Variants in ABHD12 observed in about 807,000 individuals in gnomAD.
ABHD12 encodes abhydrolase domain containing 12, lysophospholipase, also known as lysophosphatidylserine lipase ABHD12.
A neutral mutation model predicts 58.3 loss-of-function variants in ABHD12; 43 were observed. The observed-to-expected ratio is 0.74, with a 90% CI of 0.58 to 0.95. The LOEUF (loss-of-function observed/expected upper bound fraction) is 0.95. ABHD12 is among the 40% of genes least tolerant of loss of function. The pLI is 0.00. For missense variants in ABHD12, 539 were observed against 537.2 expected, an observed-to-expected ratio of 1.00 and a Z score of -0.03; for synonymous variants, 219 against 211.2, an observed-to-expected ratio of 1.04 and a Z score of -0.32.
intron 1 of ABHD12, among the ~76,000 whole-genome samples, chr20:25,355,835 G>C (rs1168115663): frequency 6.6e-6 from 1 of 151,502 alleles, no homozygotes; most frequent in Admixed American, 6.6e-5. Context: ...GGGATTACAG[G>C]CGTGAGCCAC....
rs79335706 is a variant in ABHD12, at chr20:25,319,692, G to A, written c.542+507C>T. Among the ~76,000 whole-genome samples the A allele has an allele frequency of 2.0e-5, 3 of 152,338 alleles. No homozygotes were observed. In the East Asian group the frequency reaches 5.8e-4, roughly 29 times the overall value. The stretch of plus-strand genomic sequence containing the variant: ...TTCCCAAGAGCGCGAGGCACCCACA[G>A]CCAAGTGCCACTATGACCCCTCCTC... On this transcript the variant is annotated intron_variant, in intron 4 of 12. Transcript: ENST00000339157.
chr20:25,296,311 GT>G (rs2088543252), downstream of ABHD12: 1 of 1,596,924 alleles, frequency 6.3e-7, no homozygotes, highest in Non-Finnish European at 8.6e-7. Flanking sequence ...GGAATCCCAT[GT>G]TTTTAGCAGC....
intron 1 of ABHD12, 32 bp downstream of exon 1, chr20:25,390,481 C>CCCCCCCCCCCCCCCCCCCCCCCCCA: frequency 1.8e-5 from 1 of 54,864 alleles, no homozygotes; most frequent in Non-Finnish European, 2.7e-5. Flanking sequence ...GGACCGGCCC[C>CCCCCCCCCCCCCCCCCCCCCCCCCA]CCCCCCCCCC....
intron 1 of ABHD12, among the ~76,000 whole-genome samples, chr20:25,369,564 C>A (rs2089871162): frequency 6.6e-6 from 1 of 152,160 alleles, no homozygotes; most frequent in Admixed American, 6.5e-5. Flanking sequence ...CACGTACCTG[C>A]TCTTAACCAC....
chr20:25,387,896 C>T (rs2090114416), intron 1 of ABHD12, among the ~76,000 whole-genome samples: 1 of 151,934 alleles, frequency 6.6e-6, no homozygotes, highest in Non-Finnish European at 1.5e-5. Context: ...CAAAAGTTAG[C>T]CAGGCACGGT....
intron 12 of ABHD12, 151 bp from the exon 13 acceptor site, chr20:25,301,035 A>C: frequency 2.5e-6 from 2 of 813,722 alleles, no homozygotes; most frequent in Non-Finnish European, 4.1e-6. Context: ...CCAGAGCAGC[A>C]CTCAGTGAGT....
intron 1 of ABHD12, among the ~76,000 whole-genome samples, chr20:25,367,808 G>A (rs1453692715): frequency 6.6e-6 from 1 of 152,176 alleles, no homozygotes; most frequent in East Asian, 1.9e-4. Flanking sequence ...GTGGACATCT[G>A]GGTTGCTTCC....
chr20:25,322,038 G>A (rs753605730), intron 3 of ABHD12, among the ~76,000 whole-genome samples: 4 of 152,138 alleles, frequency 2.6e-5, no homozygotes, highest in South Asian at 2.1e-4. Flanking sequence ...GGAAAGCGAC[G>A]TTATGGCTAC....
chr20:25,350,351 G>A (rs1568751085), intron 1 of ABHD12, among the ~76,000 whole-genome samples: 1 of 152,194 alleles, frequency 6.6e-6, no homozygotes, highest in African/African-American at 2.4e-5. Context: ...ATCTCATCTT[G>A]AATTGTAATG....
At chr20:25,308,337 G>A in intron 8 of ABHD12, 120 bp downstream of exon 8, 1 of 1,317,890 alleles carries the variant, frequency 7.6e-7, no homozygotes, top group Non-Finnish European at 1.1e-6. Flanking sequence ...TCAGCCCCGG[G>A]CCCCCCAGAA....
At chr20:25,378,675 T>G (rs188665873) in intron 1 of ABHD12, among the ~76,000 whole-genome samples, 1 of 150,722 alleles carries the variant, frequency 6.6e-6, no homozygotes, top group Non-Finnish European at 1.5e-5. Context: ...ACCAGCCTGA[T>G]AAGAACTGAA....
downstream of ABHD12, chr20:25,295,712 G>A (rs755915223): frequency 6.4e-7 from 1 of 1,551,852 alleles, no homozygotes; most frequent in South Asian, 1.1e-5. Context: ...CAGCTGGGTG[G>A]GTCCATGTAG....
At chr20:25,307,942 A>T in intron 9 of ABHD12, 24 bp downstream of exon 9, 1 of 1,371,800 alleles carries the variant, frequency 7.3e-7, no homozygotes, top group Non-Finnish European at 1.0e-6. Flanking sequence ...TGAAAAGTTA[A>T]TTTTTAATAA....
rs902535349 is a variant in ABHD12 at position 25,300,337 on chromosome 20, C to T, written c.*508G>A. ...TCCACTGTGGGTGAGTGGGCCAGCC[C>T]AGGGGAGGTGGGGCAGCTGAGAAAG... On this transcript the variant is annotated 3_prime_UTR_variant, in exon 13 of 13. Coordinates refer to ENST00000339157, the MANE Select transcript of ABHD12 (RefSeq NM_001042472.3). 2.9e-5 allele frequency: 31 copies of T among 1,052,678 alleles called. No homozygotes were observed. Among genetic ancestry groups the T allele is most frequent in the Admixed American group, 1.5e-4 (3 of 20,596 alleles). The allele number at this position is 1,052,678 out of a possible 1,614,324, so 65.2% of individuals were successfully genotyped here.
chr20:25,298,576 T>TCCTA (rs781373974), downstream of ABHD12, among the ~76,000 whole-genome samples: 1 of 152,124 alleles, frequency 6.6e-6, no homozygotes, highest in Non-Finnish European at 1.5e-5. Context: ...TTTCTAAAAA[T>TCCTA]TCTATCAATC....
intron 1 of ABHD12, among the ~76,000 whole-genome samples, chr20:25,366,429 G>T (rs2089822638): frequency 6.6e-6 from 1 of 151,958 alleles, no homozygotes; most frequent in African/African-American, 2.4e-5. Context: ...AACATGCCTG[G>T]CTAGTTTTGT....
chr20:25,368,349 C>G (rs2089852340), intron 1 of ABHD12: 3 of 1,549,950 alleles, frequency 1.9e-6, no homozygotes, highest in Non-Finnish European at 1.8e-6. Context: ...CGCTCCATGG[C>G]CTCCACAATA....
At chr20:25,370,339 GAGA>G (rs774998128) in intron 1 of ABHD12, among the ~76,000 whole-genome samples, 5 of 152,132 alleles carry the variant, frequency 3.3e-5, no homozygotes, top group Non-Finnish European at 7.3e-5. Context: ...GGGGGCCACA[GAGA>G]AGGTCACCAA....
intron 6 of ABHD12, 36 bp from the exon 7 acceptor site, chr20:25,309,611 G>C (rs752969381): frequency 1.4e-5 from 22 of 1,612,628 alleles, no homozygotes; most frequent in Non-Finnish European, 1.8e-5. Context: ...GGAGGTCAAA[G>C]GCAGCTCACA....
Sources: gnomAD v4.1 joint callset for allele counts (sites outside exome capture counted in the v4.1 genomes callset) on GRCh38, gnomAD v4.1.1 for gene constraint, MANE v1.5 for transcripts, NCBI Gene and HGNC (gene_info 2026-07-23, HGNC 2026-07-21) for gene names.